CSMD1: variants seen among roughly 807,000 people sequenced by gnomAD.
CSMD1 encodes the protein CUB and Sushi multiple domains 1.
In CSMD1, 213 loss-of-function variants were observed where a neutral mutation model predicts 417.5. The observed-to-expected ratio is 0.51, with a 90% confidence interval of 0.46 to 0.57. The LOEUF (loss-of-function observed/expected upper bound fraction) is 0.57. CSMD1 is among the 20% of genes least tolerant of loss of function. The pLI is 0.00. For synonymous variants in CSMD1, 2,862 were observed against 1,736.8 expected, an observed-to-expected ratio of 1.65 and a Z score of -16.11; for missense variants, 6,923 against 4,529.7, an observed-to-expected ratio of 1.53 and a Z score of -15.17.
At chr8:4,560,886 T>C (rs1798300344) in intron 2 of CSMD1, among the ~76,000 whole-genome samples, 1 of 152,202 alleles carries the variant, frequency 6.6e-6, no homozygotes, top group African/African-American at 2.4e-5. Flanking sequence ...GTGGTGTCTC[T>C]TCCTCCTAGG....
At chr8:3,555,386 G>C (rs143844936) in intron 10 of CSMD1, among the ~76,000 whole-genome samples, 548 of 152,246 alleles carry the variant, frequency 3.6e-3, no homozygotes, top group Middle Eastern at 0.01. Flanking sequence ...TCTGAACGCT[G>C]TAAGAATTTA....
intron 3 of CSMD1, among the ~76,000 whole-genome samples, chr8:4,188,566 C>T (rs1798820322): frequency 6.6e-6 from 1 of 152,098 alleles, no homozygotes; most frequent in African/African-American, 2.4e-5. Flanking sequence ...ATGAGGTAGA[C>T]ACTGTCAACT....
chr8:4,064,481 G>C (rs1320758218), intron 3 of CSMD1, among the ~76,000 whole-genome samples: 4 of 152,166 alleles, frequency 2.6e-5, no homozygotes, highest in Non-Finnish European at 4.4e-5. Context: ...GCTGTCTAGA[G>C]CTGCATGTGC....
intron 10 of CSMD1, among the ~76,000 whole-genome samples, chr8:3,568,210 G>C (rs940252683): frequency 6.6e-6 from 1 of 152,102 alleles, no homozygotes; most frequent in Non-Finnish European, 1.5e-5. Context: ...CAAAACAATT[G>C]TTGTGGATGT....
chr8:3,024,136 T>TG (rs1809669475), intron 51 of CSMD1, among the ~76,000 whole-genome samples: 1 of 106,700 alleles, frequency 9.4e-6, no homozygotes, highest in African/African-American at 2.7e-5. Context: ...TGGTGTGGTG[T>TG]GTGTGTGTGT....
chr8:3,574,849 AAG>A (rs1045020455), intron 10 of CSMD1, 94 bp downstream of exon 10: 2 of 1,379,750 alleles, frequency 1.4e-6, no homozygotes, highest in African/African-American at 2.9e-5. Flanking sequence ...AGTAAAGTGT[AAG>A]CACGGATAGC....
chr8:3,589,042 C>G lies in CSMD1; in HGVS notation c.1098-2782G>C, dbSNP rs150125294. On this transcript the variant is annotated intron_variant, in intron 8 of 69. Coordinates refer to ENST00000635120, the MANE Select transcript of CSMD1 (RefSeq NM_033225.6). Reference sequence around the variant, plus strand: ...AACCACAGTGAGATATCAACTCACACCTGTTAAGATGGCTATTATCAAAAA... The same window carrying G: ...AACCACAGTGAGATATCAACTCACAGCTGTTAAGATGGCTATTATCAAAAA... 1.0e-3 allele frequency among the ~76,000 whole-genome samples: 155 copies of G among 152,116 alleles called. 3 individuals are homozygous for G. Among genetic ancestry groups the G allele is most frequent in the African/African-American group, 2.9e-3 (119 of 41,478 alleles).
At chr8:4,334,230 C>A (rs961257544) in intron 3 of CSMD1, among the ~76,000 whole-genome samples, 1 of 152,040 alleles carries the variant, frequency 6.6e-6, no homozygotes, top group Non-Finnish European at 1.5e-5. Context: ...TTGTATCATC[C>A]AATAACTTAA....
intron 3 of CSMD1, among the ~76,000 whole-genome samples, chr8:4,236,372 G>T (rs547150421): frequency 6.6e-6 from 1 of 152,122 alleles, no homozygotes; most frequent in Non-Finnish European, 1.5e-5. Flanking sequence ...CCCACTCGGA[G>T]AAAGGGGTGA....
At position 3,325,595 on chromosome 8, in the gene CSMD1, G is replaced by C. The variant is rs1438098505; in HGVS notation, c.3632-17092C>G. ...TCCCAGCACTTTGGGAGGCCGAGGC[G>C]GGCAAATGGCCTGAGGTCAGGAGTT... is the stretch of plus-strand genomic sequence containing the variant. On this transcript the variant is annotated intron_variant, in intron 23 of 69. Coordinates refer to ENST00000635120, the MANE Select transcript of CSMD1 (RefSeq NM_033225.6). Among the ~76,000 whole-genome samples the C allele has an allele frequency of 4.6e-5, 7 of 152,150 alleles. No homozygotes were observed. The South Asian group carries it at 8.3e-4, about 18-fold the overall frequency.
rs767963435 is a variant in CSMD1 at position 3,963,866 on chromosome 8, G to A, written c.818+34037C>T. 9.2e-5 allele frequency among the ~76,000 whole-genome samples: 14 copies of A among 152,082 alleles called. No individual in the cohort carries two copies. In the South Asian group the frequency reaches 1.0e-3, roughly 11 times the overall value. ...TTAAAACCGCAGTTTAAGAAATGAA[G>A]GTATAGATGTTAACTGACACTCGGA... is the stretch of plus-strand genomic sequence containing the variant. On this transcript the variant is annotated intron_variant, in intron 5 of 69. Transcript: ENST00000635120.
At chr8:3,761,590 C>T (rs1040420378) in intron 5 of CSMD1, among the ~76,000 whole-genome samples, 2 of 146,012 alleles carry the variant, frequency 1.4e-5, no homozygotes, top group Admixed American at 7.1e-5. Context: ...ACTGCATCCT[C>T]TCCCCACCAG....
At chr8:3,405,375 ATATT>A (rs1346783225) in intron 15 of CSMD1, among the ~76,000 whole-genome samples, 1 of 152,200 alleles carries the variant, frequency 6.6e-6, no homozygotes, top group Non-Finnish European at 1.5e-5. Context: ...TTTCCTCTCT[ATATT>A]TATTAGATAA....
At chr8:3,364,698 C>T (rs953970420) in intron 20 of CSMD1, among the ~76,000 whole-genome samples, 11 of 152,194 alleles carry the variant, frequency 7.2e-5, no homozygotes, top group African/African-American at 1.9e-4. Flanking sequence ...CGATTCTCCC[C>T]TTTCTGACCA....
chr8:3,195,000 T>C (rs549159260), intron 33 of CSMD1, among the ~76,000 whole-genome samples: 45 of 152,210 alleles, frequency 3.0e-4, no homozygotes, highest in African/African-American at 9.6e-4. Context: ...AATATAGAAA[T>C]ATGGTTTCCT....
intron 52 of CSMD1, among the ~76,000 whole-genome samples, chr8:3,002,018 G>C (rs1807446670): frequency 6.6e-6 from 1 of 152,162 alleles, no homozygotes; most frequent in Admixed American, 6.5e-5. Flanking sequence ...AGAGACAGAA[G>C]AGAATCTGAT....
intron 3 of CSMD1, among the ~76,000 whole-genome samples, chr8:4,213,759 G>C (rs931770502): frequency 6.6e-6 from 1 of 152,152 alleles, no homozygotes; most frequent in South Asian, 2.1e-4. Flanking sequence ...TGGCTGAGAT[G>C]GGGTTCCCTG....
chr8:3,985,424 C>T (rs1452692000), intron 5 of CSMD1, among the ~76,000 whole-genome samples: 1 of 151,944 alleles, frequency 6.6e-6, no homozygotes, highest in East Asian at 1.9e-4. Context: ...GTCTTATGTG[C>T]ACACACACAC....
chr8:4,684,688 A>T (rs1806260986), intron 1 of CSMD1, among the ~76,000 whole-genome samples: 1 of 152,240 alleles, frequency 6.6e-6, no homozygotes, highest in African/African-American at 2.4e-5. Context: ...GAAACATCAT[A>T]CATACGCTTT....
Sources: gnomAD v4.1 joint callset for allele counts (sites outside exome capture counted in the v4.1 genomes callset) on GRCh38, gnomAD v4.1.1 for gene constraint, MANE v1.5 for transcripts, NCBI Gene and HGNC (gene_info 2026-07-23, HGNC 2026-07-21) for gene names.